Variants in ZBP1 observed in about 807,000 individuals in gnomAD.
The protein encoded by ZBP1 is Z-DNA binding protein 1.
A neutral mutation model predicts 41.1 loss-of-function variants in ZBP1; 42 were observed. The ratio of observed to expected loss-of-function variants is 1.02; its 90% CI spans 0.80 to 1.32. The LOEUF is 1.32. ZBP1 is among the 40% of genes most tolerant of loss of function. The pLI is 0.00. For synonymous variants in ZBP1, 214 were observed against 205.2 expected, an observed-to-expected ratio of 1.04 and a Z score of -0.37; for missense variants, 562 against 549.7, an observed-to-expected ratio of 1.02 and a Z score of -0.22.
chr20:57,605,004 AC>A (rs2070460030), intron 7 of ZBP1, among the ~76,000 whole-genome samples: 1 of 152,108 alleles, frequency 6.6e-6, no homozygotes, highest in African/African-American at 2.4e-5. Flanking sequence ...CAGAAATAAC[AC>A]CAGAAAGCCC....
chr20:57,610,110 G>C lies in ZBP1; in HGVS notation c.1093+39C>G, dbSNP rs774424073. ...TGAATGAGTGGAAGGTGGGGAGAGA[G>C]AGAGAACACACAGGGGTCCACTCTG... is the stretch of plus-strand genomic sequence containing the variant. On this transcript the variant is annotated intron_variant, in intron 7 of 7. Transcript: ENST00000371173. The surrounding 1 kb of genome is among the most constrained non-coding windows in gnomAD (Gnocchi z 5.5). 11 of 1,566,846 alleles carry C rather than the reference G, an allele frequency of 7.0e-6. No homozygotes were observed. In the East Asian group the frequency reaches 1.8e-4, roughly 26 times the overall value.
rs35813125 is a variant in ZBP1, at chr20:57,616,453, C to A, written c.50G>T (p.Arg17Ile). The A allele has an allele frequency of 8.3e-4, 1,333 of 1,613,632 alleles. 8 individuals are homozygous for A. The African/African-American group carries it at 0.016, about 19-fold the overall frequency. The change falls in exon 2 of 8, where the codon AGA becomes ATA. Residue 17 changes from arginine (R) to isoleucine (I), a missense_variant. Arg to Ile is a moderately conservative substitution (Grantham distance 97, BLOSUM62 -3). Coordinates refer to ENST00000371173, the MANE Select transcript of ZBP1 (RefSeq NM_030776.3). ...AGCCTCTGTCAGCACCTGCAGGATT[C>A]TTTGTTCAAGGTGGCCTGGGGGAGC... is the stretch of plus-strand genomic sequence containing the variant. ...DPGREGHLEQ[R>I]ILQVLTEAGS...
intron 6 of ZBP1, 132 bp downstream of exon 6, chr20:57,611,595 G>T (rs1482855006): frequency 2.2e-5 from 23 of 1,053,974 alleles, no homozygotes; most frequent in Admixed American, 2.4e-5. Flanking sequence ...GCTCTACTCT[G>T]GTTCAGCTGC....
At chr20:57,609,535 C>T (rs1430149145) in intron 7 of ZBP1, among the ~76,000 whole-genome samples, 1 of 151,774 alleles carries the variant, frequency 6.6e-6, no homozygotes, top group African/African-American at 2.4e-5. Flanking sequence ...CCCTCTCTCG[C>T]CCCTCTGCTT....
In ZBP1 at chr20:57,610,545, T is replaced by G. The variant is rs1268799013; in HGVS notation, c.875-178A>C. On this transcript the variant is annotated intron_variant, in intron 6 of 7. Coordinates refer to ENST00000371173, the MANE Select transcript of ZBP1 (RefSeq NM_030776.3). This position sits in a 1 kb window ranked among gnomAD's most constrained non-coding sequence, Gnocchi z 5.5. ...CCACCCGCCACACCTCCGCTCGTGC[T>G]GTTGTGCTGTCTGGGAAGCGTCTTT... The G allele has an allele frequency of 3.2e-6, 2 of 625,744 alleles. No homozygotes were observed. Among genetic ancestry groups the G allele is most frequent in the Middle Eastern group, 4.5e-4 (1 of 2,246 alleles). The allele number at this position is 625,744 out of a possible 1,614,324, so 38.8% of individuals were successfully genotyped here.
chr20:57,615,851 A>C (rs1019229985), intron 2 of ZBP1: 5 of 537,904 alleles, frequency 9.3e-6, no homozygotes, highest in Non-Finnish European at 1.6e-5. Context: ...GGCTAATCTT[A>C]AGTGCATGAT....
chr20:57,620,147 C>A (rs1321302067), intron 1 of ZBP1, 115 bp downstream of exon 1: 1 of 1,315,732 alleles, frequency 7.6e-7, no homozygotes, highest in Non-Finnish European at 1.1e-6. Flanking sequence ...GTCTACTATT[C>A]TTTAGGATAC....
chr20:57,606,908 A>T (rs1271635332), intron 7 of ZBP1: 2 of 1,076,348 alleles, frequency 1.9e-6, no homozygotes, highest in Non-Finnish European at 2.3e-6. Flanking sequence ...GGGCCAAAAA[A>T]AAATTTTTTT....
chr20:57,610,414 G>A lies in ZBP1; in HGVS notation c.875-47C>T. The A allele has an allele frequency of 1.2e-6, 2 of 1,603,666 alleles. No homozygotes were observed. The highest frequency in any genetic ancestry group is 1.7e-6 in the Non-Finnish European group (2 of 1,171,394). On this transcript the variant is annotated intron_variant, in intron 6 of 7. Transcript: ENST00000371173. This position sits in a 1 kb window ranked among gnomAD's most constrained non-coding sequence, Gnocchi z 5.5. ...GCCTGGAGCCAGGAGCAGCTGGACA[G>A]TGGCCGGGAACCCTGACCCCCAGCC...
chr20:57,606,384 A>G (rs540204438), intron 7 of ZBP1, among the ~76,000 whole-genome samples: 19 of 152,358 alleles, frequency 1.2e-4, no homozygotes, highest in Non-Finnish European at 2.1e-4. Flanking sequence ...AAGGAAAGAA[A>G]CCGTCCCCAT....
intron 1 of ZBP1, chr20:57,616,673 A>G: frequency 1.7e-6 from 1 of 598,652 alleles, no homozygotes; most frequent in East Asian, 2.9e-5. Context: ...GGCTGATCAG[A>G]AACGGCCTTG....
chr20:57,615,121 GCTTC>G, intron 3 of ZBP1, 61 bp from the exon 4 acceptor site: 1 of 1,573,420 alleles, frequency 6.4e-7, no homozygotes. Context: ...CTGCCCCACC[GCTTC>G]CTAGCTGTGT....
Position 57,610,354 on chromosome 20 carries a change from A to G in ZBP1, c.888T>C (p.Ala296=), listed in dbSNP as rs2070626499. The G allele has an allele frequency of 1.2e-6, 2 of 1,614,176 alleles. No homozygotes were observed. The highest frequency in any genetic ancestry group is 1.7e-6 in the Non-Finnish European group (2 of 1,180,026). ...CTTCAAACGAAGCTTCTGGGCCGGC[A>G]GCAGTGGCAGAGACTGTGGGTCAAA... is the stretch of plus-strand genomic sequence containing the variant. ...PPGSPPVSAT[A]AGPEASFEAR... The change falls in exon 7 of 8, where the codon GCT becomes GCC. Residue 296 remains alanine, a synonymous_variant. Coordinates refer to ENST00000371173, the MANE Select transcript of ZBP1 (RefSeq NM_030776.3). The surrounding 1 kb of genome is among the most constrained non-coding windows in gnomAD (Gnocchi z 5.5).
intron 5 of ZBP1, 57 bp from the exon 6 acceptor site, chr20:57,611,987 C>A (rs2070688061): frequency 6.6e-7 from 1 of 1,515,796 alleles, no homozygotes; most frequent in East Asian, 2.5e-5. Flanking sequence ...TCTTCCTTTC[C>A]CTCACCACCA....
Position 57,613,415 on chromosome 20 carries a change from C to T in ZBP1, c.503-85G>A, listed in dbSNP as rs987431592. 3 of 1,448,386 alleles carry T rather than the reference C, an allele frequency of 2.1e-6. No individual in the cohort carries two copies. The African/African-American group carries it at 4.2e-5, about 20-fold the overall frequency. The allele number at this position is 1,448,386 out of a possible 1,614,324, so 89.7% of individuals were successfully genotyped here. A position where few individuals can be genotyped will look rare whatever the true frequency, so the allele number is the denominator to read the frequency against. On this transcript the variant is annotated intron_variant, in intron 4 of 7. Coordinates refer to ENST00000371173, the MANE Select transcript of ZBP1 (RefSeq NM_030776.3). This position sits in a 1 kb window ranked among gnomAD's most constrained non-coding sequence, Gnocchi z 4.5. Reference sequence around the variant, plus strand: ...TACCAGTCGGCAGCACCAAATTCTCCTGGGGAGCTTGTTAAAATACCCTGG... The same window carrying T: ...TACCAGTCGGCAGCACCAAATTCTCTTGGGGAGCTTGTTAAAATACCCTGG...
rs138893142 is a variant in ZBP1 at position 57,616,652 on chromosome 20, G to A, written c.35-184C>T. ...GTAGGGCAGCTGCATCTGCCCAGAGGGAGGCATGCAGGCTGATCAGAAACG... is the reference window on the plus strand; with the variant it reads ...GTAGGGCAGCTGCATCTGCCCAGAGAGAGGCATGCAGGCTGATCAGAAACG... On this transcript the variant is annotated intron_variant, in intron 1 of 7. Transcript: ENST00000371173. The A allele has an allele frequency of 1.6e-3, 1,036 of 630,776 alleles. 7 individuals carry two copies. In the African/African-American group the frequency reaches 0.017, roughly 10 times the overall value. 39.1% of individuals were successfully genotyped at this position (630,776 alleles called of 1,614,324 possible).
At chr20:57,612,013 T>A (rs1248001696) in intron 5 of ZBP1, 83 bp from the exon 6 acceptor site, 2 of 1,397,738 alleles carry the variant, frequency 1.4e-6, no homozygotes, top group Non-Finnish European at 9.8e-7. Context: ...AGGCCTGTCC[T>A]CTGAATTCTT....
chr20:57,620,361 G>T lies in ZBP1; in HGVS notation c.-66C>A. Reference sequence around the variant, plus strand: ...GTGCAGGCTTCTGCACTGTGGCCCTGAGAGGGTGGGCTAGGTCGAGGCTGG... The same window carrying T: ...GTGCAGGCTTCTGCACTGTGGCCCTTAGAGGGTGGGCTAGGTCGAGGCTGG... On this transcript the variant is annotated 5_prime_UTR_variant, in exon 1 of 8. Transcript: ENST00000371173. The T allele has an allele frequency of 6.5e-7, 1 of 1,542,508 alleles. No homozygotes were observed. The highest frequency in any genetic ancestry group is 8.8e-7 in the Non-Finnish European group (1 of 1,139,364).
Position 57,613,364 on chromosome 20 carries a change from A to G in ZBP1, c.503-34T>C, listed in dbSNP as rs570145194. ...TAATATTCAACTGTATCCCTTTGCCACTGTCTATGGGTCAGGGGTTCCCAA... is the reference window on the plus strand; with the variant it reads ...TAATATTCAACTGTATCCCTTTGCCGCTGTCTATGGGTCAGGGGTTCCCAA... On this transcript the variant is annotated intron_variant, in intron 4 of 7. Coordinates refer to ENST00000371173, the MANE Select transcript of ZBP1 (RefSeq NM_030776.3). This position sits in a 1 kb window ranked among gnomAD's most constrained non-coding sequence, Gnocchi z 4.5. The G allele has an allele frequency of 4.4e-6, 7 of 1,600,448 alleles. No individual in the cohort carries two copies. Among genetic ancestry groups the G allele is most frequent in the African/African-American group, 2.7e-5 (2 of 75,020 alleles).
Sources: gnomAD v4.1 joint callset for allele counts (sites outside exome capture counted in the v4.1 genomes callset) on GRCh38, gnomAD v4.1.1 for gene constraint, Gnocchi (gnomAD v3.1) non-coding constraint, MANE v1.5 for transcripts, NCBI Gene and HGNC (gene_info 2026-07-23, HGNC 2026-07-21) for gene names.